The following PRKN variants were observed in gnomAD, a reference collection of about 807,000 sequenced individuals.
PRKN encodes the protein parkin RBR E3 ubiquitin protein ligase, also known as E3 ubiquitin-protein ligase parkin.
In PRKN, 56 loss-of-function variants were observed where a neutral mutation model predicts 59.5. That is an observed-to-expected ratio of 0.94 (90% CI 0.76 to 1.18). The LOEUF is 1.18. Ranked by LOEUF, PRKN falls within the 50% of genes most tolerant of loss-of-function variation. The pLI, the probability that PRKN is intolerant of heterozygous loss-of-function variation, is 0.00. For synonymous variants in PRKN, 250 were observed against 222.1 expected, an observed-to-expected ratio of 1.13 and a Z score of -1.12; for missense variants, 657 against 596.4, an observed-to-expected ratio of 1.10 and a Z score of -1.06.
chr6:162,125,680 G>A (rs80149659), intron 4 of PRKN, among the ~76,000 whole-genome samples: 2,132 of 152,210 alleles, frequency 0.014, 81 homozygotes, highest in Admixed American at 0.08. Context: ...TTCTGGTAAC[G>A]TACCATGGCC....
chr6:161,391,022 G>T lies in PRKN; in HGVS notation c.1084-4145C>A, dbSNP rs1443278439. 6.6e-6 allele frequency among the ~76,000 whole-genome samples: 1 copy of T among 152,074 alleles called. No homozygotes were observed. Among genetic ancestry groups the T allele is most frequent in the Non-Finnish European group, 1.5e-5 (1 of 68,020 alleles). On this transcript the variant is annotated intron_variant, in intron 9 of 11. Transcript: ENST00000366898. The surrounding 1 kb of genome is among the most constrained non-coding windows in gnomAD (Gnocchi z 4.9). ...AGAATTCTGGGGAACTCTGGGTTAG[G>T]CAGATACAAAACTCCTTCTTAAGAC...
At chr6:162,580,999 C>T (rs1043297205) in intron 1 of PRKN, among the ~76,000 whole-genome samples, 3 of 152,138 alleles carry the variant, frequency 2.0e-5, no homozygotes, top group African/African-American at 7.2e-5. Context: ...CCAGGCTCCT[C>T]GGGTACCAGA....
At chr6:162,585,952 G>T (rs778042087) in intron 1 of PRKN, among the ~76,000 whole-genome samples, 1 of 152,008 alleles carries the variant, frequency 6.6e-6, no homozygotes, top group Non-Finnish European at 1.5e-5. Context: ...TGATCCACCC[G>T]CCTCGGCCTC....
At position 161,581,945 on chromosome 6, in the gene PRKN, G is replaced by A. The variant is rs1249421102; in HGVS notation, c.872-12529C>T. Among the ~76,000 whole-genome samples the A allele has an allele frequency of 2.0e-5, 3 of 152,086 alleles. No homozygotes were observed. The highest frequency in any genetic ancestry group is 2.9e-5 in the Non-Finnish European group (2 of 68,016). On this transcript the variant is annotated intron_variant, in intron 7 of 11. Transcript: ENST00000366898. The surrounding 1 kb of genome is among the most constrained non-coding windows in gnomAD (Gnocchi z 4.5). ...CTTCACAGTGCTTAGGGCGTCCTTCGCTCATACTTCTTTGAACATATCCAC... is the reference window on the plus strand; with the variant it reads ...CTTCACAGTGCTTAGGGCGTCCTTCACTCATACTTCTTTGAACATATCCAC...
intron 6 of PRKN, among the ~76,000 whole-genome samples, chr6:161,926,126 T>C (rs1265276454): frequency 1.3e-5 from 2 of 152,164 alleles, no homozygotes; most frequent in Non-Finnish European, 2.9e-5. Flanking sequence ...ACGGAGAGTC[T>C]ACCTCTAAGT....
intron 6 of PRKN, among the ~76,000 whole-genome samples, chr6:161,931,875 G>C (rs1298192969): frequency 2.0e-5 from 3 of 152,160 alleles, no homozygotes. Context: ...ACAAAACTGT[G>C]ATTTCAAGAG....
chr6:161,826,792 C>A (rs1170709256), intron 6 of PRKN, among the ~76,000 whole-genome samples: 1 of 152,194 alleles, frequency 6.6e-6, no homozygotes, highest in Non-Finnish European at 1.5e-5. Context: ...CATGTAGGAA[C>A]GGACACGCTG....
At chr6:162,719,792 T>C (rs909475834) in intron 1 of PRKN, among the ~76,000 whole-genome samples, 1 of 151,918 alleles carries the variant, frequency 6.6e-6, no homozygotes, top group African/African-American at 2.4e-5. Flanking sequence ...GCTGCTCCTT[T>C]GAGCTGAAGA....
rs76568247 is a variant in PRKN, at chr6:162,172,735, G to T, written c.534+28396C>A. 6.7e-3 allele frequency among the ~76,000 whole-genome samples: 1,026 copies of T among 152,188 alleles called. 10 individuals carry two copies. The highest frequency in any genetic ancestry group is 0.011 in the Non-Finnish European group (749 of 68,008). ...GTCATGTACTTTACAAAAGTGACAG[G>T]TTCCTATTCTTGGAAATGAATCTGT... On this transcript the variant is annotated intron_variant, in intron 4 of 11. Transcript: ENST00000366898.
chr6:161,531,193 A>G (rs563461868), intron 9 of PRKN, among the ~76,000 whole-genome samples: 265 of 151,952 alleles, frequency 1.7e-3, no homozygotes, highest in African/African-American at 6.1e-3. Flanking sequence ...CATCCTGGCT[A>G]ACATGGTGAA....
At chr6:162,537,407 A>G (rs566894065) in intron 1 of PRKN, among the ~76,000 whole-genome samples, 1 of 152,238 alleles carries the variant, frequency 6.6e-6, no homozygotes, top group East Asian at 1.9e-4. Context: ...GGGTTTCCGC[A>G]TCACCTATAT....
At chr6:162,080,867 C>T (rs1779028886) in intron 4 of PRKN, among the ~76,000 whole-genome samples, 1 of 152,134 alleles carries the variant, frequency 6.6e-6, no homozygotes, top group Non-Finnish European at 1.5e-5. Context: ...CTCTCAAACC[C>T]TGTGGCTGCT....
At chr6:161,763,900 C>T (rs9365323) in intron 7 of PRKN, among the ~76,000 whole-genome samples, 65,233 of 151,890 alleles carry the variant, frequency 0.43, 16,273 homozygotes, top group East Asian at 0.58. Context: ...TGAATTTGGT[C>T]TTTCACCTCT....
chr6:162,175,069 C>T (rs1783470445), intron 4 of PRKN, among the ~76,000 whole-genome samples: 1 of 152,174 alleles, frequency 6.6e-6, no homozygotes, highest in Admixed American at 6.5e-5. Flanking sequence ...CTTAATTACA[C>T]TTGAGCCTGA....
intron 7 of PRKN, among the ~76,000 whole-genome samples, chr6:161,658,030 A>AAAAAAAAAAAGAAG (rs781518268): frequency 9.5e-6 from 1 of 104,880 alleles, no homozygotes; most frequent in Non-Finnish European, 1.9e-5. Context: ...AAAAAAAAAA[A>AAAAAAAAAAAGAAG]AAAAGAAAAG....
intron 1 of PRKN, among the ~76,000 whole-genome samples, chr6:162,687,444 A>G (rs1777612890): frequency 6.6e-6 from 1 of 152,110 alleles, no homozygotes; most frequent in African/African-American, 2.4e-5. Context: ...TTGGCCTCCC[A>G]AAGTGCTGGG....
At chr6:162,418,942 C>A (rs977335749) in intron 2 of PRKN, among the ~76,000 whole-genome samples, 8 of 151,712 alleles carry the variant, frequency 5.3e-5, no homozygotes, top group Non-Finnish European at 1.2e-4. Flanking sequence ...CCCAGTCCCA[C>A]CCCCCAACCC....
chr6:161,730,859 A>G (rs1430330101), intron 7 of PRKN, among the ~76,000 whole-genome samples: 1 of 150,700 alleles, frequency 6.6e-6, no homozygotes, highest in Non-Finnish European at 1.5e-5. Flanking sequence ...TTGCATTCTG[A>G]AGTGTTGCAT....
intron 1 of PRKN, among the ~76,000 whole-genome samples, chr6:162,706,530 G>A (rs769195130): frequency 4.1e-4 from 62 of 152,176 alleles, no homozygotes; most frequent in Non-Finnish European, 7.6e-4. Flanking sequence ...AAAAGCAAGC[G>A]CAGTGCAAAA....
Sources: allele counts gnomAD v4.1 joint callset (sites outside exome capture counted in the v4.1 genomes callset), GRCh38; gene constraint gnomAD v4.1.1; non-coding constraint Gnocchi (gnomAD v3.1); transcripts MANE v1.5; gene names NCBI Gene and HGNC (gene_info 2026-07-23, HGNC 2026-07-21).